Variants in COL5A3 observed in about 807,000 individuals in gnomAD.
The protein encoded by COL5A3 is collagen alpha-3(V) chain.
COL5A3 carries 172 observed loss-of-function variants against 250.0 expected under a neutral mutation model. The ratio of observed to expected loss-of-function variants is 0.69; its 90% CI spans 0.61 to 0.78. The LOEUF is 0.78. Ranked by LOEUF, COL5A3 falls within the 30% of genes least tolerant of loss-of-function variation. The probability of loss-of-function intolerance (pLI) is 0.00; values close to 1 mark genes in which losing one functional copy is unlikely to be tolerated. For missense variants in COL5A3, 2,340 were observed against 2,334.4 expected (o/e 1.00, Z -0.05); for synonymous variants, 937 against 900.4 (o/e 1.04, Z -0.73).
chr19:9,967,984 CCA>C (rs746675031), intron 60 of COL5A3, 40 bp downstream of exon 60: 1 of 1,590,150 alleles, frequency 6.3e-7, no homozygotes, highest in Admixed American at 1.8e-5. Flanking sequence ...GCCTGGACCA[CCA>C]CAGTGACCTC....
At chr19:9,983,582 AAGAAAGAAAGAAAGAAAGAGAAAGAG>A (rs1568418746) in intron 31 of COL5A3, among the ~76,000 whole-genome samples, 40 of 117,344 alleles carry the variant, frequency 3.4e-4, no homozygotes, top group African/African-American at 1.2e-3. Context: ...GAAAGAAAGA[AAGAAAGAAAGAAAGAAAGAGAAAGAG>A]AGAGAGAGAG....
chr19:9,968,338 A>AC lies in COL5A3; in HGVS notation c.4314+46dup. 1 of 1,314,750 alleles carries AC rather than the reference A, an allele frequency of 7.6e-7. No homozygotes were observed. The highest frequency in any genetic ancestry group is 1.1e-6 in the Non-Finnish European group (1 of 924,642). The allele number at this position is 1,314,750 out of a possible 1,614,324, so 81.4% of individuals were successfully genotyped here. ...CCCCACACCCACAGTCTCTCAACCG[A>AC]CCCCCTCCTTCAAATGCATTCTTCC... On this transcript the variant is annotated intron_variant, in intron 59 of 66. Transcript: ENST00000264828. This position sits in a 1 kb window ranked among gnomAD's most constrained non-coding sequence, Gnocchi z 4.1.
Position 10,010,382 on chromosome 19 carries a change from C to T in COL5A3, c.4G>A (p.Gly2Arg). ...GGCTGGCCCAGGTCCCGGCGGTTCC[C>T]CATCCCGGCGGGGCCCACGGGCAAG... M[G>R]NRRDLGQPRA... Residue 2 changes from glycine (G) to arginine (R), a missense_variant, in exon 1 of 67, where the codon GGG becomes AGG. Coordinates refer to ENST00000264828, the MANE Select transcript of COL5A3 (RefSeq NM_015719.4). The T allele has an allele frequency of 6.9e-7, 1 of 1,443,122 alleles. No individual in the cohort carries two copies. The highest frequency in any genetic ancestry group is 9.2e-7 in the Non-Finnish European group (1 of 1,092,872). 89.4% of individuals were successfully genotyped at this position (1,443,122 alleles called of 1,614,324 possible).
At chr19:10,006,252 G>A (rs755693494) in intron 1 of COL5A3, 21 bp from the exon 2 acceptor site, 2 of 1,575,956 alleles carry the variant, frequency 1.3e-6, no homozygotes, top group African/African-American at 1.3e-5. Flanking sequence ...GAGAAGCCGG[G>A]GGTGTCAGGC....
intron 16 of COL5A3, among the ~76,000 whole-genome samples, chr19:9,994,738 T>C (rs1409927012): frequency 6.6e-6 from 1 of 150,918 alleles, no homozygotes; most frequent in Non-Finnish European, 1.5e-5. Flanking sequence ...ACCCAGGCTA[T>C]GCGGTATAAC....
In COL5A3 at chr19:9,960,246, C is replaced by A. The variant is rs1312680616; in HGVS notation, c.*165G>T. ...ACCCTTGGGCCAGGGAACCCCAGCC[C>A]CCAGCACCCTGGAAAGGAGAAGGAA... On this transcript the variant is annotated 3_prime_UTR_variant, in exon 67 of 67. Coordinates refer to ENST00000264828, the MANE Select transcript of COL5A3 (RefSeq NM_015719.4). The A allele has an allele frequency of 3.4e-6, 3 of 871,296 alleles. No individual in the cohort carries two copies. The highest frequency in any genetic ancestry group is 5.2e-6 in the Non-Finnish European group (3 of 574,058). 54.0% of individuals were successfully genotyped at this position (871,296 alleles called of 1,614,324 possible).
rs765724915 is a variant in COL5A3 at position 9,960,391 on chromosome 19, C to T, written c.*20G>A. On this transcript the variant is annotated 3_prime_UTR_variant, in exon 67 of 67. Coordinates refer to ENST00000264828, the MANE Select transcript of COL5A3 (RefSeq NM_015719.4). ...CCCCATTCTGGGGCTCCCTCATGGT[C>T]CCTCCCACCCCGGACACTCTCAGCT... The T allele has an allele frequency of 1.2e-6, 2 of 1,613,848 alleles. No homozygotes were observed. The highest frequency in any genetic ancestry group is 1.7e-4 in the Middle Eastern group (1 of 5,988).
intron 19 of COL5A3, 117 bp from the exon 20 acceptor site, chr19:9,993,184 C>A (rs369782845): frequency 8.2e-7 from 1 of 1,216,138 alleles, no homozygotes; most frequent in Non-Finnish European, 1.2e-6. Flanking sequence ...TCCCTGGGAA[C>A]CTGCAGACTA....
intron 65 of COL5A3, 105 bp from the exon 66 acceptor site, chr19:9,960,995 C>G: frequency 7.1e-7 from 1 of 1,399,698 alleles, no homozygotes; most frequent in East Asian, 2.3e-5. Flanking sequence ...CCACCCCCCC[C>G]ATGTCACCAT....
chr19:9,969,032 C>CCT, intron 57 of COL5A3: 1 of 581,472 alleles, frequency 1.7e-6, no homozygotes, highest in Non-Finnish European at 3.0e-6. Flanking sequence ...CAGTGTAGAC[C>CCT]ATCAAGGTGG....
intron 61 of COL5A3, 111 bp from the exon 62 acceptor site, chr19:9,967,511 TCACA>T: frequency 1.3e-6 from 1 of 742,970 alleles, no homozygotes; most frequent in South Asian, 1.9e-5. Context: ...ACACACAGTC[TCACA>T]CACTCACATA....
intron 16 of COL5A3, 21 bp from the exon 17 acceptor site, chr19:9,993,827 A>G (rs1212073075): frequency 1.2e-6 from 2 of 1,613,014 alleles, no homozygotes; most frequent in Non-Finnish European, 8.5e-7. Context: ...AGTAAGCCCA[A>G]GAGTCAAGGA....
In COL5A3 at chr19:10,003,981, GGA is replaced by G. The variant is rs2145143201; in HGVS notation, c.699+58_699+59del. On this transcript the variant is annotated intron_variant, in intron 5 of 66. Transcript: ENST00000264828. ...GAGAATTCACTCTTTCTAGGGATCT[GGA>G]GCCAGGAAGGACCCAGCCTGTGTCC... 8 of 1,363,806 alleles carry G rather than the reference GGA, an allele frequency of 5.9e-6. No individual in the cohort carries two copies. In the South Asian group the frequency reaches 7.0e-5, roughly 12 times the overall value. The allele number at this position is 1,363,806 out of a possible 1,614,324, so 84.5% of individuals were successfully genotyped here. A position where few individuals can be genotyped will look rare whatever the true frequency, so the allele number is the denominator to read the frequency against.
At chr19:9,990,012 A>G (rs1484022742) in intron 24 of COL5A3, among the ~76,000 whole-genome samples, 1 of 151,318 alleles carries the variant, frequency 6.6e-6, no homozygotes, top group Admixed American at 6.6e-5. Context: ...TCGGCCTCCC[A>G]AAGTGCTGAG....
At position 9,970,617 on chromosome 19, in the gene COL5A3, C is replaced by T. The variant is rs943232298; in HGVS notation, c.3936+5G>A. On this transcript the variant is annotated splice_donor_5th_base_variant and intron_variant, in intron 54 of 66. Coordinates refer to ENST00000264828, the MANE Select transcript of COL5A3 (RefSeq NM_015719.4). ...TGAGGACCCAGGAGGTGGCTTATCACTTACCCTCTTGCCGGGGGGCCCGGG... is the reference window on the plus strand; with the variant it reads ...TGAGGACCCAGGAGGTGGCTTATCATTTACCCTCTTGCCGGGGGGCCCGGG... 2 of 1,445,906 alleles carry T rather than the reference C, an allele frequency of 1.4e-6. No homozygotes were observed. Among genetic ancestry groups the T allele is most frequent in the Non-Finnish European group, 1.8e-6 (2 of 1,100,540 alleles). The allele number at this position is 1,445,906 out of a possible 1,614,324, so 89.6% of individuals were successfully genotyped here. A position where few individuals can be genotyped will look rare whatever the true frequency, so the allele number is the denominator to read the frequency against.
At chr19:9,995,478 G>T in intron 16 of COL5A3, 86 bp downstream of exon 16, 2 of 1,224,034 alleles carry the variant, frequency 1.6e-6, no homozygotes, top group Admixed American at 2.3e-5. Context: ...AACGACACCA[G>T]CAGACCCCAA....
intron 8 of COL5A3, 77 bp from the exon 9 acceptor site, chr19:9,998,226 A>T: frequency 7.7e-7 from 1 of 1,302,186 alleles, no homozygotes; most frequent in Admixed American, 2.0e-5. Context: ...CTGATCACAC[A>T]CACTTGCACA....
intron 1 of COL5A3, among the ~76,000 whole-genome samples, chr19:10,008,726 TGGAG>T (rs1268941789): frequency 6.6e-6 from 1 of 152,148 alleles, no homozygotes; most frequent in African/African-American, 2.4e-5. Flanking sequence ...TGGCTTCTAA[TGGAG>T]GGATTAGATA....
rs764215914 is a variant in COL5A3 at position 9,996,435 on chromosome 19, G to C, written c.1420C>G (p.Gln474Glu). The C allele has an allele frequency of 1.2e-5, 19 of 1,613,666 alleles. No individual in the cohort carries two copies. Among genetic ancestry groups the C allele is most frequent in the Non-Finnish European group, 1.3e-5 (15 of 1,179,928 alleles). The stretch of plus-strand genomic sequence containing the variant: ...CTATGTCCACACCTCCCACTCACCT[G>C]AGTCTGCTGCAGAACTGCCTGAGCC... ...AQAQAVLQQT[Q>E]LSMKGPPGPV... is the part of the protein sequence containing the mutation. The change falls in exon 13 of 67, where the codon CAG becomes GAG. Residue 474 changes from glutamine (Q) to glutamate (E), a missense_variant and splice_region_variant. This residue lies in a region of COL5A3 where 1,152 missense variants were observed against 1,146.3 expected (regional missense o/e 1.00). Transcript: ENST00000264828.
Sources: allele counts gnomAD v4.1 joint callset (sites outside exome capture counted in the v4.1 genomes callset), GRCh38; gene constraint gnomAD v4.1.1; regional missense constraint gnomAD v4.1.1; non-coding constraint Gnocchi (gnomAD v3.1); transcripts MANE v1.5; gene names NCBI Gene and HGNC (gene_info 2026-07-23, HGNC 2026-07-21).